GALNTL6: variants seen among roughly 807,000 people sequenced by gnomAD.
The protein encoded by GALNTL6 is polypeptide N-acetylgalactosaminyltransferase like 6, also known as polypeptide N-acetylgalactosaminyltransferase-like 6.
Under a neutral mutation model 73.7 loss-of-function variants are expected in GALNTL6, and 46 were observed. The observed-to-expected ratio is 0.62, with a 90% CI of 0.49 to 0.80. The LOEUF is 0.80. GALNTL6 is among the 30% of genes least tolerant of loss of function. The pLI, the probability that GALNTL6 is intolerant of heterozygous loss-of-function variation, is 0.00. For missense variants in GALNTL6, 604 were observed against 755.0 expected (o/e 0.80, Z 2.34); for synonymous variants, 259 against 263.7 (o/e 0.98, Z 0.17).
At chr4:171,885,613 C>G (rs758512945) in intron 2 of GALNTL6, among the ~76,000 whole-genome samples, 2 of 152,030 alleles carry the variant, frequency 1.3e-5, no homozygotes, top group Non-Finnish European at 2.9e-5. Flanking sequence ...TGGGAGCAGT[C>G]TGGGAAACAC....
chr4:172,389,826 A>G (rs1743597937), intron 5 of GALNTL6, among the ~76,000 whole-genome samples: 1 of 152,138 alleles, frequency 6.6e-6, no homozygotes, highest in South Asian at 2.1e-4. Context: ...TAGTTGAGTA[A>G]AGGGCTGCTG....
chr4:172,625,470 G>A (rs543784533), intron 5 of GALNTL6, among the ~76,000 whole-genome samples: 6 of 152,164 alleles, frequency 3.9e-5, no homozygotes, highest in African/African-American at 1.4e-4. Context: ...ATTGTGAATA[G>A]CATCACGATG....
At chr4:171,827,208 C>T (rs1298314036) in intron 2 of GALNTL6, among the ~76,000 whole-genome samples, 5 of 152,120 alleles carry the variant, frequency 3.3e-5, no homozygotes, top group Admixed American at 2.0e-4. Context: ...TGATTACAGA[C>T]TGCTACATTA....
intron 2 of GALNTL6, among the ~76,000 whole-genome samples, chr4:172,166,239 A>C (rs1018994533): frequency 6.6e-6 from 1 of 152,084 alleles, no homozygotes; most frequent in Admixed American, 6.6e-5. Flanking sequence ...CAGGTGGATC[A>C]CGAGGTGAGG....
intron 2 of GALNTL6, among the ~76,000 whole-genome samples, chr4:171,985,063 T>C (rs1286536055): frequency 6.6e-6 from 1 of 152,132 alleles, no homozygotes; most frequent in African/African-American, 2.4e-5. Flanking sequence ...ACATGAGTTT[T>C]ACAATGTTTT....
chr4:173,013,434 T>C (rs989112680), intron 11 of GALNTL6, among the ~76,000 whole-genome samples: 5 of 152,096 alleles, frequency 3.3e-5, no homozygotes, highest in African/African-American at 1.2e-4. Flanking sequence ...TATCCAGTAA[T>C]GCTCTAGAAT....
Position 172,203,286 on chromosome 4 carries a change from T to C in GALNTL6, c.139-26370T>C, listed in dbSNP as rs533328888. 2.0e-5 allele frequency among the ~76,000 whole-genome samples: 3 copies of C among 152,258 alleles called. No individual in the cohort carries two copies. In the South Asian group the frequency reaches 6.2e-4, roughly 32 times the overall value. On this transcript the variant is annotated intron_variant, in intron 2 of 12. Coordinates refer to ENST00000506823, the MANE Select transcript of GALNTL6 (RefSeq NM_001034845.3). The stretch of plus-strand genomic sequence containing the variant: ...GTATGAGCACTGGTATTTCAGTAAT[T>C]GTTGAGAAAATGCAAAGAAAGGGAA...
chr4:172,401,381 A>G (rs1225146190), intron 5 of GALNTL6, among the ~76,000 whole-genome samples: 9 of 152,130 alleles, frequency 5.9e-5, no homozygotes, highest in Non-Finnish European at 2.9e-5. Context: ...AGGAGAAAAT[A>G]AAGCTAAATT....
chr4:172,839,479 A>C (rs1743090210), intron 7 of GALNTL6, among the ~76,000 whole-genome samples: 1 of 152,240 alleles, frequency 6.6e-6, no homozygotes, highest in South Asian at 2.1e-4. Context: ...GAGCCATTAT[A>C]AAGTCATGGC....
At chr4:172,558,360 A>G (rs1736221700) in intron 5 of GALNTL6, among the ~76,000 whole-genome samples, 1 of 152,142 alleles carries the variant, frequency 6.6e-6, no homozygotes. Flanking sequence ...GAAGCTCTAA[A>G]CCCCACTGTG....
At chr4:172,679,283 C>T (rs1020305904) in intron 5 of GALNTL6, among the ~76,000 whole-genome samples, 11 of 152,004 alleles carry the variant, frequency 7.2e-5, no homozygotes, top group Admixed American at 6.5e-5. Context: ...TGGTGGCAGG[C>T]GCCTGTAATC....
chr4:172,253,417 A>G (rs182288740), intron 3 of GALNTL6, among the ~76,000 whole-genome samples: 26 of 152,080 alleles, frequency 1.7e-4, no homozygotes, highest in African/African-American at 6.0e-4. Context: ...TGACTGATGT[A>G]AAGCCAGGGG....
chr4:172,373,730 G>T (rs1428748434), intron 5 of GALNTL6, among the ~76,000 whole-genome samples: 2 of 152,090 alleles, frequency 1.3e-5, no homozygotes, highest in African/African-American at 4.8e-5. Context: ...ACCTAATAAG[G>T]GTGTGGGACT....
At chr4:172,391,075 ATTTCAATAAGC>A (rs1346716009) in intron 5 of GALNTL6, among the ~76,000 whole-genome samples, 9 of 152,218 alleles carry the variant, frequency 5.9e-5, no homozygotes, top group African/African-American at 1.2e-4. Context: ...TCATACTCAA[ATTTCAATAAGC>A]TCAATATCAT....
At chr4:172,371,910 G>T (rs1313934911) in intron 5 of GALNTL6, among the ~76,000 whole-genome samples, 1 of 152,140 alleles carries the variant, frequency 6.6e-6, no homozygotes, top group Non-Finnish European at 1.5e-5. Context: ...TTTAATGGGG[G>T]TTCCCAGCAG....
chr4:172,088,378 A>T (rs1180577249), intron 2 of GALNTL6, among the ~76,000 whole-genome samples: 1 of 152,222 alleles, frequency 6.6e-6, no homozygotes. Flanking sequence ...GAAAATGCAT[A>T]CAAATTAATT....
intron 5 of GALNTL6, among the ~76,000 whole-genome samples, chr4:172,461,968 A>G (rs529674440): frequency 3.3e-5 from 5 of 152,116 alleles, no homozygotes; most frequent in African/African-American, 4.8e-5. Flanking sequence ...GCAGCATCCA[A>G]TATGTTAAGG....
intron 2 of GALNTL6, among the ~76,000 whole-genome samples, chr4:171,930,880 A>G (rs1429570472): frequency 6.6e-6 from 1 of 152,116 alleles, no homozygotes; most frequent in Admixed American, 6.5e-5. Flanking sequence ...ACAATTATAT[A>G]CACTTTCACC....
At chr4:172,673,413 T>G (rs903712167) in intron 5 of GALNTL6, among the ~76,000 whole-genome samples, 1 of 152,180 alleles carries the variant, frequency 6.6e-6, no homozygotes, top group Non-Finnish European at 1.5e-5. Flanking sequence ...TTTTAGAGCA[T>G]GTACCATGTG....
Sources: gnomAD v4.1 joint callset for allele counts (sites outside exome capture counted in the v4.1 genomes callset) on GRCh38, gnomAD v4.1.1 for gene constraint, MANE v1.5 for transcripts, NCBI Gene and HGNC (gene_info 2026-07-23, HGNC 2026-07-21) for gene names.